Variants in CLSTN2 observed in about 807,000 individuals in gnomAD.
The protein encoded by CLSTN2 is calsyntenin 2, also known as calsyntenin-2.
In CLSTN2, 48 loss-of-function variants were observed where a neutral mutation model predicts 101.2. The ratio of observed to expected loss-of-function variants is 0.47; its 90% CI spans 0.38 to 0.60. The LOEUF (loss-of-function observed/expected upper bound fraction) is 0.60, where lower values mean the gene tolerates loss of function less well. CLSTN2 is among the 20% of genes least tolerant of loss of function. The probability of loss-of-function intolerance (pLI) is 0.00; values close to 1 mark genes in which losing one functional copy is unlikely to be tolerated. For missense variants in CLSTN2, 1,160 were observed against 1,238.2 expected, an observed-to-expected ratio of 0.94 and a Z score of 0.95; for synonymous variants, 481 against 463.6, an observed-to-expected ratio of 1.04 and a Z score of -0.48.
intron 2 of CLSTN2, among the ~76,000 whole-genome samples, chr3:140,306,820 C>T (rs1003096406): frequency 6.6e-5 from 10 of 151,418 alleles, no homozygotes; most frequent in African/African-American, 2.4e-4. Context: ...CATCAGAGTT[C>T]TAGTGTTCTG....
intron 5 of CLSTN2, among the ~76,000 whole-genome samples, chr3:140,434,018 T>A (rs951979998): frequency 1.3e-5 from 2 of 152,196 alleles, no homozygotes; most frequent in Non-Finnish European, 2.9e-5. Context: ...CTTCCTGCTC[T>A]CTGCATGACC....
chr3:140,390,806 T>C (rs1326930007), intron 2 of CLSTN2, among the ~76,000 whole-genome samples: 1 of 152,246 alleles, frequency 6.6e-6, no homozygotes, highest in Non-Finnish European at 1.5e-5. Flanking sequence ...GGGTGACCTC[T>C]GTTGTCTTTT....
chr3:139,939,706 G>A (rs1935093317), intron 1 of CLSTN2, among the ~76,000 whole-genome samples: 1 of 152,210 alleles, frequency 6.6e-6, no homozygotes, highest in Non-Finnish European at 1.5e-5. Context: ...ATTGCACACT[G>A]CAGAACTTCC....
At chr3:140,545,798 G>T (rs1935572732) in intron 9 of CLSTN2, among the ~76,000 whole-genome samples, 1 of 152,184 alleles carries the variant, frequency 6.6e-6, no homozygotes, top group Non-Finnish European at 1.5e-5. Context: ...AGCCAGGAGA[G>T]AGTATGACAG....
At chr3:140,549,243 T>C (rs1935662833) in intron 10 of CLSTN2, among the ~76,000 whole-genome samples, 1 of 143,792 alleles carries the variant, frequency 7.0e-6, no homozygotes, top group South Asian at 2.3e-4. Context: ...AACACAAAGA[T>C]GCTGGGCTCA....
chr3:140,108,559 G>GT (rs1397476378), intron 1 of CLSTN2, among the ~76,000 whole-genome samples: 2 of 151,914 alleles, frequency 1.3e-5, no homozygotes, highest in Admixed American at 6.6e-5. Context: ...TGTTTTTTGT[G>GT]TTTTTTATTA....
At position 140,023,193 on chromosome 3, in the gene CLSTN2, G is replaced by GT. The variant is rs201283945; in HGVS notation, c.109+87711dup. Among the ~76,000 whole-genome samples the GT allele has an allele frequency of 2.4e-4, 37 of 152,268 alleles. No homozygotes were observed. In the East Asian group the frequency reaches 4.1e-3, roughly 17 times the overall value. On this transcript the variant is annotated intron_variant, in intron 1 of 16. Coordinates refer to ENST00000458420, the MANE Select transcript of CLSTN2 (RefSeq NM_022131.3). ...GCCCAGGACAGTGAGAGGAGAGGTT[G>GT]TCTTGCAGGTGGAAGTCACCTTCAG...
chr3:140,354,728 A>G lies in CLSTN2; in HGVS notation c.233-48901A>G, dbSNP rs1252395526. On this transcript the variant is annotated intron_variant, in intron 2 of 16. Transcript: ENST00000458420. ...GCTTGGTCCATGGTTAGTGGGAATC[A>G]AGCATGAAAAAAGTAACTCCTTTTA... Among the ~76,000 whole-genome samples, 4 of 152,198 alleles carry G rather than the reference A, an allele frequency of 2.6e-5. No individual in the cohort carries two copies. In the East Asian group the frequency reaches 5.8e-4, roughly 22 times the overall value.
chr3:140,184,260 C>CAT (rs2010453192), intron 2 of CLSTN2, among the ~76,000 whole-genome samples: 1 of 152,140 alleles, frequency 6.6e-6, no homozygotes, highest in Non-Finnish European at 1.5e-5. Context: ...TGTATTAGTC[C>CAT]ATTTTCACAC....
At chr3:140,124,944 G>C (rs1421686789) in intron 1 of CLSTN2, among the ~76,000 whole-genome samples, 1 of 152,186 alleles carries the variant, frequency 6.6e-6, no homozygotes, top group Non-Finnish European at 1.5e-5. Context: ...GGCCATAGGA[G>C]AAGGAAACCA....
At chr3:140,102,636 A>C (rs2008986950) in intron 1 of CLSTN2, among the ~76,000 whole-genome samples, 1 of 152,244 alleles carries the variant, frequency 6.6e-6, no homozygotes, top group South Asian at 2.1e-4. Flanking sequence ...TATGACCTAC[A>C]TGACTCCATT....
At chr3:140,186,166 A>G (rs2010482750) in intron 2 of CLSTN2, among the ~76,000 whole-genome samples, 1 of 152,190 alleles carries the variant, frequency 6.6e-6, no homozygotes, top group South Asian at 2.1e-4. Context: ...AAAAAGACAT[A>G]ACTGGCAATC....
At chr3:140,312,875 C>A (rs918336340) in intron 2 of CLSTN2, among the ~76,000 whole-genome samples, 12 of 152,356 alleles carry the variant, frequency 7.9e-5, no homozygotes, top group East Asian at 7.7e-4. Context: ...AAAGGGTTGA[C>A]ATTTTCAGCA....
At chr3:140,240,955 G>A (rs1201292934) in intron 2 of CLSTN2, among the ~76,000 whole-genome samples, 5 of 152,182 alleles carry the variant, frequency 3.3e-5, no homozygotes, top group South Asian at 2.1e-4. Flanking sequence ...GGCATGTATC[G>A]ACCATCATGA....
At chr3:140,263,363 T>C (rs1173399169) in intron 2 of CLSTN2, among the ~76,000 whole-genome samples, 1 of 152,110 alleles carries the variant, frequency 6.6e-6, no homozygotes, top group Non-Finnish European at 1.5e-5. Context: ...CCATGTGGAA[T>C]GGTGGGATTG....
At chr3:140,280,833 T>C (rs1384389414) in intron 2 of CLSTN2, among the ~76,000 whole-genome samples, 4 of 152,116 alleles carry the variant, frequency 2.6e-5, no homozygotes, top group African/African-American at 4.8e-5. Flanking sequence ...TTGCCTGGGG[T>C]CAGCCTGGGA....
At chr3:139,952,383 A>G (rs78437156) in intron 1 of CLSTN2, among the ~76,000 whole-genome samples, 1 of 152,190 alleles carries the variant, frequency 6.6e-6, no homozygotes, top group Non-Finnish European at 1.5e-5. Flanking sequence ...AGCTTGGGAG[A>G]GAGAGGAGTG....
chr3:140,252,515 T>C (rs1469638539), intron 2 of CLSTN2, among the ~76,000 whole-genome samples: 1 of 152,136 alleles, frequency 6.6e-6, no homozygotes, highest in East Asian at 1.9e-4. Context: ...GGCGTATAGA[T>C]GAAAAACACA....
intron 2 of CLSTN2, among the ~76,000 whole-genome samples, chr3:140,298,137 C>T (rs573862628): frequency 6.6e-6 from 1 of 152,310 alleles, no homozygotes; most frequent in East Asian, 1.9e-4. Flanking sequence ...AAACTAAATA[C>T]ATAGTGATTT....
Sources: gnomAD v4.1 joint callset for allele counts (sites outside exome capture counted in the v4.1 genomes callset) on GRCh38, gnomAD v4.1.1 for gene constraint, MANE v1.5 for transcripts, NCBI Gene and HGNC (gene_info 2026-07-23, HGNC 2026-07-21) for gene names.